The following DMD variants were observed in gnomAD, a reference collection of about 807,000 sequenced individuals.
DMD encodes the protein mutant dystrophin.
In DMD, 63 loss-of-function variants were observed where a neutral mutation model predicts 330.1. That is an observed-to-expected ratio of 0.19 (90% confidence interval 0.16 to 0.24). The LOEUF (loss-of-function observed/expected upper bound fraction) is 0.24. Ranked by LOEUF, DMD falls within the 10% of genes least tolerant of loss-of-function variation. The pLI is 1.00. For synonymous variants in DMD, 1,223 were observed against 959.8 expected (o/e 1.27, Z -5.07); for missense variants, 3,344 against 2,684.1 (o/e 1.25, Z -5.43).
At chrX:31,243,840 T>A (rs2048582510) in intron 63 of DMD, among the ~76,000 whole-genome samples, 1 of 112,569 alleles carries the variant, frequency 8.9e-6, no homozygotes, top group African/African-American at 3.2e-5. Context: ...AAAGGTGTTA[T>A]GCATAAAGGT....
chrX:32,416,746 T>A (rs2098167581), intron 29 of DMD, among the ~76,000 whole-genome samples: 1 of 111,430 alleles, frequency 9.0e-6, no homozygotes, highest in African/African-American at 3.3e-5. Context: ...CAAATCCTAC[T>A]CAACCTGCCC....
At chrX:33,172,712 A>T (rs150088392) in intron 1 of DMD, among the ~76,000 whole-genome samples, 57 of 112,238 alleles carry the variant, frequency 5.1e-4, no homozygotes, top group South Asian at 1.1e-3. Context: ...ATTAGGAGGA[A>T]GTATTTCACC....
chrX:31,168,811 A>G (rs2039691968), intron 74 of DMD, among the ~76,000 whole-genome samples: 1 of 112,005 alleles, frequency 8.9e-6, no homozygotes, highest in African/African-American at 3.2e-5. Context: ...CTGACACAAT[A>G]CAGTACCCCA....
intron 6 of DMD, among the ~76,000 whole-genome samples, chrX:32,811,657 G>T (rs2077377766): frequency 9.0e-6 from 1 of 111,727 alleles, no homozygotes; most frequent in African/African-American, 3.3e-5. Context: ...GCAAAGGAGT[G>T]TAAGAGGCAG....
intron 44 of DMD, among the ~76,000 whole-genome samples, chrX:32,011,099 G>A (rs917954458): frequency 8.9e-6 from 1 of 112,317 alleles, no homozygotes; most frequent in Admixed American, 9.4e-5. Context: ...TAGTCGTAAT[G>A]CTGCTGGCAA....
intron 41 of DMD, among the ~76,000 whole-genome samples, chrX:32,314,593 A>G (rs1603630552): frequency 9.0e-6 from 1 of 111,419 alleles, no homozygotes; most frequent in Admixed American, 9.6e-5. Flanking sequence ...CTATCATGAG[A>G]GTCAACAGGC....
At chrX:32,948,330 A>G (rs1234034121) in intron 2 of DMD, among the ~76,000 whole-genome samples, 1 of 111,833 alleles carries the variant, frequency 8.9e-6, no homozygotes, top group Non-Finnish European at 1.9e-5. Context: ...GATGCCATGT[A>G]AGCTCACCAG....
intron 1 of DMD, among the ~76,000 whole-genome samples, chrX:33,322,404 G>A (rs7887947): frequency 0.028 from 3,045 of 109,741 alleles, 120 homozygotes; most frequent in African/African-American, 0.097. Flanking sequence ...GGGGGTGGCC[G>A]GTTGGTAGAG....
chrX:31,800,232 AG>A (rs753105369), intron 50 of DMD, among the ~76,000 whole-genome samples: 133 of 112,628 alleles, frequency 1.2e-3, no homozygotes, highest in East Asian at 7.9e-3. Flanking sequence ...GTTTTCCATG[AG>A]GGCCCTGCCC....
At chrX:31,860,122 A>G (rs1569483190) in intron 48 of DMD, among the ~76,000 whole-genome samples, 1 of 111,595 alleles carries the variant, frequency 9.0e-6, no homozygotes, top group Non-Finnish European at 1.9e-5. Flanking sequence ...AACTGATAGC[A>G]TGGCTTCTGA....
At chrX:33,159,229 C>A (rs945982362) in intron 1 of DMD, 2 of 111,972 alleles carry the variant, frequency 1.8e-5, no homozygotes, top group Non-Finnish European at 3.8e-5. Context: ...ATAACTTTTT[C>A]AACATTACAA....
intron 44 of DMD, among the ~76,000 whole-genome samples, chrX:32,190,161 C>A (rs993634530): frequency 3.6e-5 from 4 of 110,888 alleles, no homozygotes; most frequent in African/African-American, 1.3e-4. Context: ...TGCCAAACAT[C>A]CTATAGTGGA....
chrX:31,375,786 T>C (rs192089173), intron 60 of DMD, among the ~76,000 whole-genome samples: 1 of 111,863 alleles, frequency 8.9e-6, no homozygotes, highest in East Asian at 2.8e-4. Context: ...GTCCACTACA[T>C]GACAACATGA....
intron 7 of DMD, among the ~76,000 whole-genome samples, chrX:32,732,060 T>G (rs777416795): frequency 9.0e-6 from 1 of 111,395 alleles, no homozygotes; most frequent in East Asian, 2.8e-4. Flanking sequence ...TACAGAGAAG[T>G]GCTTAAAGGA....
chrX:32,205,058 C>T (rs971460236), intron 44 of DMD, among the ~76,000 whole-genome samples: 2 of 95,980 alleles, frequency 2.1e-5, no homozygotes, highest in African/African-American at 7.8e-5. Flanking sequence ...CACACACAGT[C>T]GCAATTAAAA....
chrX:32,905,999 A>C (rs902415847), intron 2 of DMD, among the ~76,000 whole-genome samples: 4 of 112,236 alleles, frequency 3.6e-5, no homozygotes, highest in African/African-American at 1.3e-4. Flanking sequence ...TGAGTTAATG[A>C]ATAACTGTCT....
intron 49 of DMD, among the ~76,000 whole-genome samples, chrX:31,832,525 G>A (rs1209291077): frequency 8.9e-6 from 1 of 112,042 alleles, no homozygotes; most frequent in Non-Finnish European, 1.9e-5. Flanking sequence ...ATGATGCCTG[G>A]AAGATTATAA....
At chrX:32,449,074 G>T (rs1315573783) in intron 26 of DMD, among the ~76,000 whole-genome samples, 1 of 110,334 alleles carries the variant, frequency 9.1e-6, no homozygotes, top group Non-Finnish European at 1.9e-5. Flanking sequence ...TAAGTTAAAG[G>T]ATACTTAACA....
chrX:31,264,057 T>C (rs1569509883), intron 62 of DMD, among the ~76,000 whole-genome samples: 1 of 112,337 alleles, frequency 8.9e-6, no homozygotes, highest in Non-Finnish European at 1.9e-5. Flanking sequence ...TGGATGAAAC[T>C]GTAAGCACAA....
Sources: allele counts gnomAD v4.1 joint callset (sites outside exome capture counted in the v4.1 genomes callset), GRCh38; gene constraint gnomAD v4.1.1; transcripts MANE v1.5; gene names NCBI Gene and HGNC (gene_info 2026-07-23, HGNC 2026-07-21).